Variants in FANK1 observed in about 807,000 individuals in gnomAD.
FANK1 encodes fibronectin type 3 and ankyrin repeat domains protein 1.
A neutral mutation model predicts 45.3 loss-of-function variants in FANK1; 44 were observed. The observed-to-expected ratio is 0.97, with a 90% CI of 0.76 to 1.25. FANK1 has a LOEUF of 1.25. Ranked by LOEUF, FANK1 falls within the 50% of genes most tolerant of loss-of-function variation. FANK1 has a pLI of 0.00. For synonymous variants in FANK1, 149 were observed against 152.5 expected (o/e 0.98, Z 0.17); for missense variants, 391 against 424.4 (o/e 0.92, Z 0.69).
intron 1 of FANK1, among the ~76,000 whole-genome samples, chr10:125,942,102 C>A (rs2176101): frequency 0.76 from 115,856 of 152,054 alleles, 44,501 homozygotes; most frequent in South Asian, 0.79. Context: ...TGAAGGAAAA[C>A]TAAATAAGAA....
At chr10:125,981,767 C>T (rs1951235709) in intron 2 of FANK1, among the ~76,000 whole-genome samples, 1 of 152,154 alleles carries the variant, frequency 6.6e-6, no homozygotes, top group Non-Finnish European at 1.5e-5. Context: ...AGTGCAGTGT[C>T]ACAGTCAGGA....
At chr10:125,956,543 T>C (rs1336014038) in intron 1 of FANK1, among the ~76,000 whole-genome samples, 1 of 152,216 alleles carries the variant, frequency 6.6e-6, no homozygotes, top group Non-Finnish European at 1.5e-5. Context: ...AAAGATTCTT[T>C]GGTTTTACAG....
intron 1 of FANK1, among the ~76,000 whole-genome samples, chr10:125,896,979 ACTC>A (rs1391380017): frequency 7.9e-5 from 12 of 151,730 alleles, no homozygotes; most frequent in Non-Finnish European, 1.3e-4. Context: ...GGTTCCATTT[ACTC>A]CTCCTCCTAC....
chr10:126,003,783 C>T (rs1952960505), intron 6 of FANK1, among the ~76,000 whole-genome samples: 1 of 151,992 alleles, frequency 6.6e-6, no homozygotes, highest in African/African-American at 2.4e-5. Flanking sequence ...TCAAGTGATT[C>T]TCCTGCCTCA....
chr10:126,005,307 CTT>C lies in FANK1; in HGVS notation c.705+275_705+276del, dbSNP rs35163273. On this transcript the variant is annotated intron_variant, in intron 7 of 10. Transcript: ENST00000368693. ...TGGACCTGATGCTTCTACTTTCTTT[CTT>C]TTTTTTTTTTTTTTTTGAGATGGAG... Among the ~76,000 whole-genome samples the C allele has an allele frequency of 2.3e-3, 284 of 122,228 alleles. 2 individuals are homozygous for C. The highest frequency in any genetic ancestry group is 8.1e-3 in the South Asian group (31 of 3,844). The allele number at this position is 122,228 out of a possible 152,430, so 80.2% of individuals were successfully genotyped here. A position where few individuals can be genotyped will look rare whatever the true frequency, so the allele number is the denominator to read the frequency against.
chr10:125,921,068 CA>C (rs1377184759), intron 1 of FANK1, among the ~76,000 whole-genome samples: 1 of 152,152 alleles, frequency 6.6e-6, no homozygotes, highest in African/African-American at 2.4e-5. Flanking sequence ...TTGGAATTTC[CA>C]CTGGGATTAA....
chr10:125,902,305 G>A (rs1373701913), intron 1 of FANK1, among the ~76,000 whole-genome samples: 4 of 152,208 alleles, frequency 2.6e-5, no homozygotes, highest in African/African-American at 9.7e-5. Context: ...CGACTGTAGG[G>A]TGGTGGAAGA....
intron 1 of FANK1, among the ~76,000 whole-genome samples, chr10:125,972,561 T>A (rs1365382595): frequency 6.6e-6 from 1 of 152,132 alleles, no homozygotes; most frequent in African/African-American, 2.4e-5. Context: ...ATTCTGAAAA[T>A]AACTAGCTCT....
At chr10:125,940,095 G>A (rs958733036) in intron 1 of FANK1, among the ~76,000 whole-genome samples, 3 of 152,106 alleles carry the variant, frequency 2.0e-5, no homozygotes, top group African/African-American at 7.2e-5. Flanking sequence ...GGGGTAGCCT[G>A]TCGCTCCACA....
At chr10:125,970,179 T>C (rs11244737) in intron 1 of FANK1, among the ~76,000 whole-genome samples, 53,846 of 150,424 alleles carry the variant, frequency 0.36, 9,809 homozygotes, top group South Asian at 0.43. Context: ...CAGAGGGGCT[T>C]CTCACTTCCC....
At position 125,927,614 on chromosome 10, in the gene FANK1, A is replaced by G. The variant is rs187346396; in HGVS notation, c.13+30959A>G. On this transcript the variant is annotated intron_variant, in intron 1 of 10. Coordinates refer to ENST00000368693, the MANE Select transcript of FANK1 (RefSeq NM_145235.5). ...GCCCAAGCTGGAGTGCAATGGCGCA[A>G]TCTCAGCTCACTGCAACCTCCACCT... is the stretch of plus-strand genomic sequence containing the variant. Among the ~76,000 whole-genome samples, 30 of 152,086 alleles carry G rather than the reference A, an allele frequency of 2.0e-4. 1 individual carries two copies. The highest frequency in any genetic ancestry group is 7.0e-4 in the African/African-American group (29 of 41,492).
At chr10:125,920,664 C>G (rs1340514646) in intron 1 of FANK1, among the ~76,000 whole-genome samples, 1 of 152,116 alleles carries the variant, frequency 6.6e-6, no homozygotes. Flanking sequence ...CTGCTGTTGA[C>G]CCAGAGGAAC....
chr10:125,922,953 T>G (rs1947048972), intron 1 of FANK1, among the ~76,000 whole-genome samples: 1 of 152,160 alleles, frequency 6.6e-6, no homozygotes, highest in African/African-American at 2.4e-5. Flanking sequence ...GAGTCTTCTT[T>G]TTTTATTCTC....
intron 3 of FANK1, chr10:125,989,563 C>G: frequency 2.8e-6 from 2 of 711,172 alleles, no homozygotes; most frequent in Non-Finnish European, 5.2e-6. Flanking sequence ...GCTGTGGTAC[C>G]TTCAGTTGCA....
At chr10:125,961,636 C>A (rs1949934279) in intron 1 of FANK1, among the ~76,000 whole-genome samples, 2 of 152,168 alleles carry the variant, frequency 1.3e-5, no homozygotes, top group African/African-American at 2.4e-5. Context: ...AACCATAAAA[C>A]TACTACAAGA....
intron 1 of FANK1, among the ~76,000 whole-genome samples, chr10:125,959,840 T>TA (rs1949809209): frequency 6.6e-6 from 1 of 152,176 alleles, no homozygotes; most frequent in Admixed American, 6.5e-5. Context: ...ATCCAGTAAA[T>TA]AAAACATACA....
At position 125,970,851 on chromosome 10, in the gene FANK1, CGGGAGA is replaced by C. The variant is rs200529434; in HGVS notation, c.14-9296_14-9291del. Reference sequence around the variant, plus strand: ...GGGGAAGACCGTGGAAAGCAGGAGACGGGAGAGGGAGAGGGAGAGCTTGAGCTTGAA... The same window carrying C: ...GGGGAAGACCGTGGAAAGCAGGAGACGGGAGAGGGAGAGCTTGAGCTTGAA... On this transcript the variant is annotated intron_variant, in intron 1 of 10. Transcript: ENST00000368693. 7.9e-5 allele frequency among the ~76,000 whole-genome samples: 12 copies of C among 151,932 alleles called. 1 individual carries two copies. Among genetic ancestry groups the C allele is most frequent in the South Asian group, 4.2e-4 (2 of 4,800 alleles).
intron 1 of FANK1, among the ~76,000 whole-genome samples, chr10:125,956,379 C>T (rs1468203910): frequency 6.6e-6 from 1 of 152,142 alleles, no homozygotes. Context: ...TCCCTTGCCT[C>T]CAAGCTCTAA....
At chr10:125,950,004 A>C (rs1477940833) in intron 1 of FANK1, among the ~76,000 whole-genome samples, 2 of 120,750 alleles carry the variant, frequency 1.7e-5, no homozygotes, top group Non-Finnish European at 3.7e-5. Flanking sequence ...TGAGAAAAAC[A>C]AGCAATGGGG....
Sources: allele counts gnomAD v4.1 joint callset (sites outside exome capture counted in the v4.1 genomes callset), GRCh38; gene constraint gnomAD v4.1.1; transcripts MANE v1.5; gene names NCBI Gene and HGNC (gene_info 2026-07-23, HGNC 2026-07-21).